The following LAP3 variants were observed in gnomAD, a reference collection of about 807,000 sequenced individuals.
LAP3 encodes cytosol aminopeptidase.
LAP3 carries 46 observed loss-of-function variants against 58.8 expected under a neutral mutation model. The ratio of observed to expected loss-of-function variants is 0.78; its 90% confidence interval spans 0.62 to 1.00. LAP3 has a LOEUF of 1.00. LAP3 is among the 50% of genes least tolerant of loss of function. The pLI is 0.00. For missense variants in LAP3, 615 were observed against 659.1 expected (o/e 0.93, Z 0.73); for synonymous variants, 257 against 237.7 (o/e 1.08, Z -0.75).
intron 12 of LAP3, 94 bp from the exon 13 acceptor site, chr4:17,607,306 T>C: frequency 9.6e-7 from 1 of 1,047,030 alleles, no homozygotes; most frequent in Non-Finnish European, 1.4e-6. Context: ...AGCTTGACTC[T>C]TGTTCTTTGG....
chr4:17,604,475 TGAAAATGAGG>T, intron 10 of LAP3, 103 bp from the exon 11 acceptor site: 1 of 696,268 alleles, frequency 1.4e-6, no homozygotes, highest in South Asian at 1.7e-5. Flanking sequence ...TATCTATTTT[TGAAAATGAGG>T]AAGCCATTAA....
chr4:17,603,600 AGGTTCAAGC>A lies in LAP3; in HGVS notation c.1181-977_1181-969del, dbSNP rs1577225861. On this transcript the variant is annotated intron_variant, in intron 10 of 12. Coordinates refer to ENST00000226299, the MANE Select transcript of LAP3 (RefSeq NM_015907.3). ...GCTCTCACCACAGCCTCTGCCTCCC[AGGTTCAAGC>A]GGTTCAAGCGATTCTCCTGCCTCAG... 2.7e-5 allele frequency among the ~76,000 whole-genome samples: 4 copies of A among 149,826 alleles called. No individual in the cohort carries two copies. In the South Asian group the frequency reaches 6.3e-4, roughly 24 times the overall value.
intron 5 of LAP3, 124 bp from the exon 6 acceptor site, chr4:17,584,848 C>A: frequency 1.1e-6 from 1 of 901,098 alleles, no homozygotes; most frequent in Non-Finnish European, 1.6e-6. Context: ...GTCCTGTGTG[C>A]CAATTGTTTT....
rs1189400164 is a variant in LAP3, at chr4:17,595,423, A to C, written c.877A>C (p.Ile293Leu). 1.2e-6 allele frequency: 2 copies of C among 1,613,850 alleles called. No homozygotes were observed. Among genetic ancestry groups the C allele is most frequent in the African/African-American group, 2.7e-5 (2 of 74,904 alleles). ...ATTTCCCCATAGTGGTGGTATCTCC[A>C]TCAAGGCTTCTGCAAATATGGACCT... ...GITFDSGGIS[I>L]KASANMDLMR... The change falls in exon 8 of 13, where the codon ATC becomes CTC. Residue 293 changes from isoleucine (I) to leucine (L), a missense_variant. Transcript: ENST00000226299.
intron 6 of LAP3, among the ~76,000 whole-genome samples, chr4:17,588,600 C>T (rs904980810): frequency 6.6e-6 from 1 of 152,166 alleles, no homozygotes; most frequent in Non-Finnish European, 1.5e-5. Context: ...GGAAGAATTA[C>T]AGACCTCATT....
intron 9 of LAP3, 136 bp from the exon 10 acceptor site, chr4:17,598,320 T>C: frequency 1.4e-6 from 1 of 711,240 alleles, no homozygotes; most frequent in South Asian, 1.5e-5. Flanking sequence ...CCTATTCTCA[T>C]TGAAGTATGA....
chr4:17,599,291 C>A lies in LAP3; in HGVS notation c.1180+733C>A, dbSNP rs140174429. Among the ~76,000 whole-genome samples the A allele has an allele frequency of 5.8e-3, 876 of 152,248 alleles. 16 individuals are homozygous for A. Among genetic ancestry groups the A allele is most frequent in the Admixed American group, 0.027 (414 of 15,296 alleles). ...CGGTGGCTCACACCTGTAATCCCAG[C>A]ACTTTGGGAGTCCGAGGCAGATGGA... On this transcript the variant is annotated intron_variant, in intron 10 of 12. Transcript: ENST00000226299.
chr4:17,589,348 ACTGTGCCTGGC>A (rs1197889376), intron 7 of LAP3, among the ~76,000 whole-genome samples: 1 of 152,124 alleles, frequency 6.6e-6, no homozygotes, highest in African/African-American at 2.4e-5. Context: ...GACATGAGCC[ACTGTGCCTGGC>A]CGGTTTATAG....
chr4:17,603,505 CT>C (rs112112721), intron 10 of LAP3, among the ~76,000 whole-genome samples: 87,860 of 136,966 alleles, frequency 0.64, 27,743 homozygotes, highest in East Asian at 0.91. Flanking sequence ...AGCAAGAAAT[CT>C]TTTTTTTTTT....
intron 11 of LAP3, among the ~76,000 whole-genome samples, chr4:17,606,208 G>T (rs554350933): frequency 6.6e-6 from 1 of 152,208 alleles, no homozygotes; most frequent in Admixed American, 6.5e-5. Context: ...ACATAGAAGT[G>T]ACCCGCCACA....
rs1258237045 is a variant in LAP3 at position 17,598,563 on chromosome 4, G to A, written c.1180+5G>A. 2 of 1,599,018 alleles carry A rather than the reference G, an allele frequency of 1.3e-6. No homozygotes were observed. The highest frequency in any genetic ancestry group is 1.7e-5 in the Admixed American group (1 of 59,990). On this transcript the variant is annotated splice_donor_5th_base_variant and intron_variant, in intron 10 of 12. Coordinates refer to ENST00000226299, the MANE Select transcript of LAP3 (RefSeq NM_015907.3). The stretch of plus-strand genomic sequence containing the variant: ...TCAATGCCGCCACCTTAACAGGTCA[G>A]ACCGCGCACTTGCCTTGATTTTGTT...
intron 6 of LAP3, chr4:17,586,254 A>G (rs1011537310): frequency 1.3e-5 from 2 of 152,236 alleles, no homozygotes; most frequent in Non-Finnish European, 2.9e-5. Context: ...TGTTTGACCT[A>G]AAGAATTCTT....
At chr4:17,580,029 G>GA in intron 2 of LAP3, 90 bp downstream of exon 2, 1 of 737,820 alleles carries the variant, frequency 1.4e-6, no homozygotes. Flanking sequence ...ACAGAGTCTT[G>GA]CTCTGTTGCC....
chr4:17,583,517 G>A lies in LAP3; in HGVS notation c.414G>A (p.Ser138=), dbSNP rs548236717. ...GGCAGATTCAAGACCTGGAGCTCTC[G>A]TCTGTGGAGGTGGATCCCTGTGGAG... The part of the protein sequence containing the change: ...GCRQIQDLEL[S]SVEVDPCGDA... Residue 138 remains serine (S), a synonymous_variant, in exon 5 of 13, where the codon TCG becomes TCA. Coordinates refer to ENST00000226299, the MANE Select transcript of LAP3 (RefSeq NM_015907.3). The A allele has an allele frequency of 7.4e-6, 12 of 1,614,110 alleles. No individual in the cohort carries two copies. The highest frequency in any genetic ancestry group is 1.7e-4 in the Middle Eastern group (1 of 6,012).
intron 9 of LAP3, among the ~76,000 whole-genome samples, 173 bp from the exon 10 acceptor site, chr4:17,598,283 A>G (rs1336771987): frequency 6.6e-6 from 1 of 152,180 alleles, no homozygotes; most frequent in East Asian, 1.9e-4. Flanking sequence ...TTATTAAATC[A>G]TATTTGCTCT....
At chr4:17,604,802 C>A in intron 11 of LAP3, 135 bp downstream of exon 11, 1 of 688,880 alleles carries the variant, frequency 1.5e-6, no homozygotes, top group Non-Finnish European at 2.5e-6. Context: ...GAAAATGAAC[C>A]ACAGCAATAG....
intron 11 of LAP3, among the ~76,000 whole-genome samples, chr4:17,605,633 CCTT>C (rs1714107962): frequency 1.3e-5 from 2 of 152,142 alleles, no homozygotes; most frequent in Non-Finnish European, 2.9e-5. Flanking sequence ...AACTGCTTCT[CCTT>C]CATATATGTC....
chr4:17,607,040 T>C, intron 12 of LAP3, 102 bp downstream of exon 12: 1 of 709,756 alleles, frequency 1.4e-6, no homozygotes, highest in Non-Finnish European at 2.3e-6. Context: ...AACTATTTAA[T>C]TTCCTTTTGG....
Position 17,577,500 on chromosome 4 carries a change from T to C in LAP3, c.35T>C (p.Val12Ala), listed in dbSNP as rs574828969. The C allele has an allele frequency of 2.5e-6, 4 of 1,582,878 alleles. No homozygotes were observed. Among genetic ancestry groups the C allele is most frequent in the East Asian group, 4.7e-5 (2 of 42,980 alleles). Reference sequence around the variant, plus strand: ...CTGCCTCTTCCGGCTGCGGGGCGAGTAGTCGTCCGACGTCTGGCCGTGAGA... The same window carrying C: ...CTGCCTCTTCCGGCTGCGGGGCGAGCAGTCGTCCGACGTCTGGCCGTGAGA... ...FLLPLPAAGR[V>A]VVRRLAVRRF... The change falls in exon 1 of 13, where the codon GTA becomes GCA. Residue 12 changes from valine (V) to alanine (A), a missense_variant. Coordinates refer to ENST00000226299, the MANE Select transcript of LAP3 (RefSeq NM_015907.3).
Sources: gnomAD v4.1 joint callset for allele counts (sites outside exome capture counted in the v4.1 genomes callset) on GRCh38, gnomAD v4.1.1 for gene constraint, MANE v1.5 for transcripts, NCBI Gene and HGNC (gene_info 2026-07-23, HGNC 2026-07-21) for gene names.